The following DOCK1 variants were observed in gnomAD, a reference collection of about 807,000 sequenced individuals.
The protein encoded by DOCK1 is dedicator of cytokinesis 1.
DOCK1 carries 138 observed loss-of-function variants against 262.7 expected under a neutral mutation model. That is an observed-to-expected ratio of 0.53 (90% CI 0.46 to 0.61). The LOEUF (loss-of-function observed/expected upper bound fraction) is 0.61, where lower values mean the gene tolerates loss of function less well. Ranked by LOEUF, DOCK1 falls within the 20% of genes least tolerant of loss-of-function variation. DOCK1 has a pLI of 0.00. For synonymous variants in DOCK1, 866 were observed against 867.4 expected (o/e 1.00, Z 0.03); for missense variants, 1,908 against 2,370.7 (o/e 0.80, Z 4.05).
intron 27 of DOCK1, among the ~76,000 whole-genome samples, chr10:127,220,020 A>G (rs986899562): frequency 1.3e-5 from 2 of 152,162 alleles, no homozygotes; most frequent in Non-Finnish European, 2.9e-5. Context: ...CATCCTTCAC[A>G]GAGTCTTCAG....
intron 29 of DOCK1, among the ~76,000 whole-genome samples, chr10:127,264,156 C>T (rs1262207719): frequency 1.3e-5 from 2 of 152,196 alleles, no homozygotes; most frequent in African/African-American, 4.8e-5. Context: ...CCACAGTTGT[C>T]AGCTACTGAG....
intron 7 of DOCK1, 169 bp from the exon 8 acceptor site, chr10:126,997,923 A>G: frequency 1.2e-6 from 1 of 809,210 alleles, no homozygotes; most frequent in African/African-American, 1.7e-5. Flanking sequence ...CTGTTGTGTG[A>G]ATGCATGATT....
chr10:126,935,566 C>T, intron 1 of DOCK1, among the ~76,000 whole-genome samples: 1 of 152,342 alleles, frequency 6.6e-6, no homozygotes, highest in Admixed American at 6.5e-5. Flanking sequence ...GTCCTCTTCT[C>T]TCAACCTGGA....
At position 127,125,196 on chromosome 10, in the gene DOCK1, G is replaced by A. The variant is rs183410540; in HGVS notation, c.2624-278G>A. Among the ~76,000 whole-genome samples the A allele has an allele frequency of 1.5e-3, 224 of 152,304 alleles. 5 individuals carry two copies. Among genetic ancestry groups the A allele is most frequent in the Non-Finnish European group, 1.9e-4 (13 of 68,030 alleles). Reference sequence around the variant, plus strand: ...TATGTGCACACAGTGGGATATAAGTGTGTGTGTGTTTATATATATCATGTA... The same window carrying A: ...TATGTGCACACAGTGGGATATAAGTATGTGTGTGTTTATATATATCATGTA... On this transcript the variant is annotated intron_variant, in intron 25 of 51. Transcript: ENST00000623213.
intron 2 of DOCK1, 94 bp from the exon 3 acceptor site, chr10:126,977,854 T>C: frequency 3.2e-6 from 4 of 1,250,562 alleles, no homozygotes; most frequent in Non-Finnish European, 4.7e-6. Context: ...CCTCACTGGT[T>C]CTGCCAAACA....
chr10:126,978,062 A>G (rs2038681386), intron 3 of DOCK1, 74 bp downstream of exon 3: 1 of 1,432,142 alleles, frequency 7.0e-7, no homozygotes, highest in Admixed American at 1.7e-5. Flanking sequence ...ATTCCATCTC[A>G]TTTGTGTCTG....
chr10:127,381,294 T>C lies in DOCK1; in HGVS notation c.3733T>C (p.Cys1245Arg), dbSNP rs2065810814. ...TTGTCTCAGGTATTTGTACAAGCTC[T>C]GTGACCTGCACAAGGAGTGTGATAA... The part of the protein sequence containing the change: ...EMYIRYLYKL[C>R]DLHKECDNYT... The change falls in exon 37 of 52, where the codon TGT becomes CGT. Residue 1245 changes from cysteine to arginine, a missense_variant. Physicochemically the swap from Cys to Arg is radical, Grantham distance 180 (BLOSUM62 -3). This residue lies in a region of DOCK1 where 267 missense variants were observed against 366.3 expected (regional missense o/e 0.73). Transcript: ENST00000623213. 6.2e-7 allele frequency: 1 copy of C among 1,612,208 alleles called. No individual in the cohort carries two copies. The highest frequency in any genetic ancestry group is 8.5e-7 in the Non-Finnish European group (1 of 1,178,894).
At chr10:127,450,216 A>C (rs7904011) in intron 51 of DOCK1, among the ~76,000 whole-genome samples, 29,337 of 152,144 alleles carry the variant, frequency 0.19, 4,561 homozygotes, top group African/African-American at 0.43. Context: ...GCATTAGGTC[A>C]TTTTTGTATT....
At chr10:127,308,899 G>T (rs967584744) in intron 29 of DOCK1, among the ~76,000 whole-genome samples, 10 of 152,110 alleles carry the variant, frequency 6.6e-5, no homozygotes, top group Non-Finnish European at 1.5e-4. Context: ...ATAAACATAC[G>T]TGTGCATGTG....
chr10:127,141,320 T>G (rs1435178642), intron 27 of DOCK1, among the ~76,000 whole-genome samples: 2 of 152,204 alleles, frequency 1.3e-5, no homozygotes, highest in African/African-American at 4.8e-5. Flanking sequence ...GTCATCCTCT[T>G]TCTGTTTCCA....
At position 126,996,869 on chromosome 10, in the gene DOCK1, T is replaced by C. The variant is rs749933139; in HGVS notation, c.595T>C (p.Leu199=). The change falls in exon 7 of 52, where the codon TTA becomes CTA. Residue 199 remains leucine (L), a synonymous_variant. Coordinates refer to ENST00000623213, the MANE Select transcript of DOCK1 (RefSeq NM_001290223.2). ...AGCTTCTAAACAAGTGGAGGAAAGGTTACAAGAGGAAAAAGTAAGTTTGAC... is the reference window on the plus strand; with the variant it reads ...AGCTTCTAAACAAGTGGAGGAAAGGCTACAAGAGGAAAAAGTAAGTTTGAC... The part of the protein sequence containing the change: ...EIASKQVEER[L]QEEKSQKQNI... 2.5e-6 allele frequency: 4 copies of C among 1,595,426 alleles called. No homozygotes were observed. Among genetic ancestry groups the C allele is most frequent in the Non-Finnish European group, 3.4e-6 (4 of 1,173,554 alleles).
intron 1 of DOCK1, among the ~76,000 whole-genome samples, chr10:126,927,738 G>A (rs1049798709): frequency 2.0e-5 from 3 of 152,090 alleles, no homozygotes; most frequent in Non-Finnish European, 4.4e-5. Context: ...CGCCCGGCCT[G>A]TCTTCATTCT....
In DOCK1 at chr10:127,260,607, C is replaced by A. The variant is rs1177834605; in HGVS notation, c.3044+3178C>A. On this transcript the variant is annotated intron_variant, in intron 29 of 51. Transcript: ENST00000623213. ...TACCCATGCTCATCTGTGTGTGTACCTGCATGTGTGTGCATGTGGGTGTGC... is the reference window on the plus strand; with the variant it reads ...TACCCATGCTCATCTGTGTGTGTACATGCATGTGTGTGCATGTGGGTGTGC... Among the ~76,000 whole-genome samples the A allele has an allele frequency of 1.3e-5, 2 of 150,654 alleles. 1 individual carries two copies. Among genetic ancestry groups the A allele is most frequent in the South Asian group, 4.2e-4 (2 of 4,762 alleles).
chr10:127,090,034 AG>A (rs1429257696), intron 23 of DOCK1, among the ~76,000 whole-genome samples: 1 of 152,210 alleles, frequency 6.6e-6, no homozygotes, highest in Non-Finnish European at 1.5e-5. Flanking sequence ...GTAGAGAAGC[AG>A]CAGGAGCTTG....
At chr10:127,276,143 GTC>G (rs1363808088) in intron 29 of DOCK1, among the ~76,000 whole-genome samples, 20 of 152,168 alleles carry the variant, frequency 1.3e-4, no homozygotes, top group African/African-American at 4.8e-4. Context: ...AAATCCTCCA[GTC>G]TCTCAAAATA....
At chr10:127,214,386 A>G (rs1481501163) in intron 27 of DOCK1, among the ~76,000 whole-genome samples, 1 of 152,178 alleles carries the variant, frequency 6.6e-6, no homozygotes, top group East Asian at 1.9e-4. Context: ...CTTAAACAAT[A>G]TGTTCTTAAG....
chr10:127,176,127 A>G lies in DOCK1; in HGVS notation c.2847+48363A>G, dbSNP rs778319223. ...GTTGGGGATGGACCTGCGTGCGGGC[A>G]CTGTCATGTATTTGCGGTAGGCTGC... On this transcript the variant is annotated intron_variant, in intron 27 of 51. Transcript: ENST00000623213. This position sits in a 1 kb window ranked among gnomAD's most constrained non-coding sequence, Gnocchi z 4.4. 1.2e-6 allele frequency: 2 copies of G among 1,613,830 alleles called. No homozygotes were observed. Among genetic ancestry groups the G allele is most frequent in the Non-Finnish European group, 1.7e-6 (2 of 1,179,986 alleles).
rs760837044 is a variant in DOCK1, at chr10:127,418,395, G to A, written c.4546G>A (p.Glu1516Lys). ...AATCAGCCCCCTGGAGAATGCCATT[G>A]AGACCATGCAGCTGACGAACGACAA... ...VEISPLENAI[E>K]TMQLTNDKIN... Residue 1516 changes from glutamate (E) to lysine (K), a missense_variant, in exon 45 of 52, where the codon GAG (glutamate) becomes AAG (lysine). Physicochemically the swap from Glu to Lys is moderately conservative, Grantham distance 56. Transcript: ENST00000623213. The A allele has an allele frequency of 1.2e-6, 2 of 1,612,986 alleles. No homozygotes were observed. Among genetic ancestry groups the A allele is most frequent in the Non-Finnish European group, 1.7e-6 (2 of 1,179,324 alleles).
intron 32 of DOCK1, among the ~76,000 whole-genome samples, chr10:127,355,477 G>T (rs2064101278): frequency 6.6e-6 from 1 of 152,130 alleles, no homozygotes; most frequent in East Asian, 1.9e-4. Context: ...TTGTGCCGAG[G>T]TGTCCTAGGC....
Sources: allele counts gnomAD v4.1 joint callset (sites outside exome capture counted in the v4.1 genomes callset), GRCh38; gene constraint gnomAD v4.1.1; regional missense constraint gnomAD v4.1.1; non-coding constraint Gnocchi (gnomAD v3.1); transcripts MANE v1.5; gene names NCBI Gene and HGNC (gene_info 2026-07-23, HGNC 2026-07-21).